The following CTBP1 variants were observed in gnomAD, a reference collection of about 807,000 sequenced individuals.
The protein encoded by CTBP1 is C-terminal-binding protein 1.
Under a neutral mutation model 42.1 loss-of-function variants are expected in CTBP1, and 11 were observed. The observed-to-expected ratio is 0.26, with a 90% CI of 0.16 to 0.43. CTBP1 has a LOEUF of 0.43. Among genes scored for constraint, CTBP1 ranks in the 20% least tolerant of loss-of-function variants. CTBP1 has a pLI of 1.00. For synonymous variants in CTBP1, 324 were observed against 277.1 expected (o/e 1.17, Z -1.68); for missense variants, 399 against 624.3 (o/e 0.64, Z 3.85).
rs1020548132 is a variant in CTBP1, at chr4:1,214,331, C to T, written c.860+12G>A. ...GGGAAGAGCAGGGGGGCGGCACTGG[C>T]CGTGGGGGCACCTGAAGGGTTCCGA... is the stretch of plus-strand genomic sequence containing the variant. On this transcript the variant is annotated intron_variant, in intron 7 of 9. Transcript: ENST00000382952. 2.6e-6 allele frequency: 4 copies of T among 1,542,824 alleles called. No individual in the cohort carries two copies. Among genetic ancestry groups the T allele is most frequent in the African/African-American group, 2.9e-5 (2 of 69,918 alleles).
In CTBP1 at chr4:1,212,428, T is replaced by C; in HGVS notation, c.1107-5A>G. On this transcript the variant is annotated splice_region_variant and splice_polypyrimidine_tract_variant and intron_variant, in intron 9 of 9. Coordinates refer to ENST00000382952, the MANE Select transcript of CTBP1 (RefSeq NM_001012614.2). ...CCCACCACGCCCGGAGGGTACCTGC[T>C]GGGAGAGGGTCCATCCGTGAGGCCC... is the stretch of plus-strand genomic sequence containing the variant. 1.4e-6 allele frequency: 2 copies of C among 1,444,512 alleles called. No homozygotes were observed. Among genetic ancestry groups the C allele is most frequent in the Non-Finnish European group, 1.8e-6 (2 of 1,100,962 alleles). The allele number at this position is 1,444,512 out of a possible 1,614,324, so 89.5% of individuals were successfully genotyped here.
Position 1,216,174 on chromosome 4 carries a change from G to A in CTBP1, c.546C>T (p.Ala182=). ...AGAGCACGTTGAAGCCGAAGGCCTT[G>A]GCCCGCAGCGCCACTGCCTGCCCCA... is the stretch of plus-strand genomic sequence containing the variant. ...GRVGQAVALR[A]KAFGFNVLFY... Residue 182 remains alanine (A), a synonymous_variant, in exon 6 of 10, where the codon GCC becomes GCT. Transcript: ENST00000382952. 6.2e-7 allele frequency: 1 copy of A among 1,610,664 alleles called. No individual in the cohort carries two copies. Among genetic ancestry groups the A allele is most frequent in the Non-Finnish European group, 8.5e-7 (1 of 1,179,774 alleles).
In CTBP1 at chr4:1,238,394, C is replaced by A; in HGVS notation, c.8-57G>T. 2.7e-6 allele frequency: 4 copies of A among 1,501,162 alleles called. No individual in the cohort carries two copies. Among genetic ancestry groups the A allele is most frequent in the Non-Finnish European group, 3.5e-6 (4 of 1,129,304 alleles). 93.0% of individuals were successfully genotyped at this position (1,501,162 alleles called of 1,614,324 possible). ...ACCACTGCGGCCCCGTGGCTACAAC[C>A]CACTCCACGCCACCCACTGTGCACG... On this transcript the variant is annotated intron_variant, in intron 2 of 9. Transcript: ENST00000382952. This position sits in a 1 kb window ranked among gnomAD's most constrained non-coding sequence, Gnocchi z 5.9.
chr4:1,248,577 C>G, intron 1 of CTBP1: 2 of 641,520 alleles, frequency 3.1e-6, no homozygotes, highest in Non-Finnish European at 3.9e-6. Flanking sequence ...CCCGGGGTGC[C>G]GTCCCGGGTC....
chr4:1,216,365 G>A (rs1262438620), intron 5 of CTBP1, 160 bp from the exon 6 acceptor site: 5 of 705,190 alleles, frequency 7.1e-6, no homozygotes, highest in Non-Finnish European at 1.2e-5. Context: ...CGCTCCACAC[G>A]AGCGCTCCAC....
At chr4:1,236,219 T>C (rs1300635873) in intron 3 of CTBP1, 1 of 178,738 alleles carries the variant, frequency 5.6e-6, no homozygotes, top group Admixed American at 5.6e-5. Flanking sequence ...AGCTTCTTCG[T>C]CTGTCTTCAG....
chr4:1,248,794 C>T, intron 1 of CTBP1, 122 bp downstream of exon 1: 1 of 947,338 alleles, frequency 1.1e-6, no homozygotes, highest in Non-Finnish European at 1.3e-6. Flanking sequence ...CACGCGCACT[C>T]GCACACAAAG....
At chr4:1,219,966 G>A (rs1729552176) in intron 5 of CTBP1, among the ~76,000 whole-genome samples, 1 of 152,238 alleles carries the variant, frequency 6.6e-6, no homozygotes, top group Admixed American at 6.5e-5. Flanking sequence ...CAACACTTCG[G>A]GAGGCCAAGA....
chr4:1,221,937 T>C (rs1729783378), intron 5 of CTBP1: 1 of 352,892 alleles, frequency 2.8e-6, no homozygotes, highest in Non-Finnish European at 5.8e-6. Context: ...CAGAGCCTCG[T>C]AGAGCAGAGG....
rs534597467 is a variant in CTBP1 at position 1,231,719 on chromosome 4, C to T, written c.163-3376G>A. The stretch of plus-strand genomic sequence containing the variant: ...CACCATCAGGGCAGATGTTTCTCTA[C>T]GACACGCAGCCACATGCAGGCCCAG... On this transcript the variant is annotated intron_variant, in intron 3 of 9. Transcript: ENST00000382952. 3.7e-4 allele frequency among the ~76,000 whole-genome samples: 57 copies of T among 152,362 alleles called. 1 individual carries two copies. The South Asian group carries it at 0.011, about 29-fold the overall frequency.
intron 1 of CTBP1, among the ~76,000 whole-genome samples, chr4:1,247,434 A>G (rs1365467078): frequency 6.6e-6 from 1 of 152,040 alleles, no homozygotes; most frequent in Non-Finnish European, 1.5e-5. Flanking sequence ...CCCAGACCCC[A>G]GAGGGAGGTG....
intron 1 of CTBP1, chr4:1,242,582 C>T: frequency 1.0e-6 from 1 of 985,484 alleles, no homozygotes; most frequent in Non-Finnish European, 1.2e-6. Flanking sequence ...GAGACACCAT[C>T]ACAGGGGCTG....
chr4:1,232,026 T>A (rs1181001993), intron 3 of CTBP1, among the ~76,000 whole-genome samples: 2 of 152,264 alleles, frequency 1.3e-5, no homozygotes, highest in Non-Finnish European at 2.9e-5. Context: ...CTGTTTCTAC[T>A]GATTGGGAGG....
Position 1,231,348 on chromosome 4 carries a change from C to G in CTBP1, c.163-3005G>C, listed in dbSNP as rs1730952254. The stretch of plus-strand genomic sequence containing the variant: ...CCAGGTGTGTCCCTTTAGATCGGGG[C>G]CCAGCAGCCTCCCAGAAACCACCTC... On this transcript the variant is annotated intron_variant, in intron 3 of 9. Coordinates refer to ENST00000382952, the MANE Select transcript of CTBP1 (RefSeq NM_001012614.2). Among the ~76,000 whole-genome samples, 5 of 152,342 alleles carry G rather than the reference C, an allele frequency of 3.3e-5. 1 individual carries two copies. In the South Asian group the frequency reaches 1.0e-3, roughly 32 times the overall value.
intron 4 of CTBP1, among the ~76,000 whole-genome samples, chr4:1,225,795 C>A (rs1730273797): frequency 6.6e-6 from 1 of 152,186 alleles, no homozygotes; most frequent in African/African-American, 2.4e-5. Flanking sequence ...TGGCAGCACA[C>A]ACACGGCAAC....
At chr4:1,245,015 C>T (rs1307475955) in intron 1 of CTBP1, 1 of 985,466 alleles carries the variant, frequency 1.0e-6, no homozygotes, top group Non-Finnish European at 1.2e-6. Flanking sequence ...CGCACAGCAG[C>T]ATGGAGCCAC....
chr4:1,241,390 T>C lies in CTBP1; in HGVS notation c.-59A>G. 2 of 1,197,744 alleles carry C rather than the reference T, an allele frequency of 1.7e-6. No homozygotes were observed. The highest frequency in any genetic ancestry group is 2.5e-6 in the Non-Finnish European group (2 of 799,382). The allele number at this position is 1,197,744 out of a possible 1,614,324, so 74.2% of individuals were successfully genotyped here. ...ATTCGACTTTTCAAAGCTTTTTATC[T>C]TCAGGATCCCCAGGCAGAACCGCGT... On this transcript the variant is annotated 5_prime_UTR_variant, in exon 2 of 10. Coordinates refer to ENST00000382952, the MANE Select transcript of CTBP1 (RefSeq NM_001012614.2).
intron 3 of CTBP1, among the ~76,000 whole-genome samples, chr4:1,232,430 G>T (rs1731054270): frequency 6.6e-6 from 1 of 152,110 alleles, no homozygotes; most frequent in Non-Finnish European, 1.5e-5. Context: ...TCCTGCCTCA[G>T]CCTCCTGAGT....
Position 1,237,547 on chromosome 4 carries a change from C to T in CTBP1, c.162+636G>A, listed in dbSNP as rs914211336. 246 of 681,034 alleles carry T rather than the reference C, an allele frequency of 3.6e-4. 1 individual carries two copies. The highest frequency in any genetic ancestry group is 5.0e-4 in the Non-Finnish European group (188 of 375,554). 42.2% of individuals were successfully genotyped at this position (681,034 alleles called of 1,614,324 possible). A position where few individuals can be genotyped will look rare whatever the true frequency, so the allele number is the denominator to read the frequency against. On this transcript the variant is annotated intron_variant, in intron 3 of 9. Coordinates refer to ENST00000382952, the MANE Select transcript of CTBP1 (RefSeq NM_001012614.2). ...CTTAGGACAAACCCCGTGTCCACCT[C>T]CTGATGGGGCTCAGGACAAACCCTG...
Sources: gnomAD v4.1 joint callset for allele counts (sites outside exome capture counted in the v4.1 genomes callset) on GRCh38, gnomAD v4.1.1 for gene constraint, Gnocchi (gnomAD v3.1) non-coding constraint, MANE v1.5 for transcripts, NCBI Gene and HGNC (gene_info 2026-07-23, HGNC 2026-07-21) for gene names.